Variants in PCDHGA4 observed in about 807,000 individuals in gnomAD.
The protein encoded by PCDHGA4 is protocadherin gamma-A4.
In PCDHGA4, 38 loss-of-function variants were observed where a neutral mutation model predicts 54.6. That is an observed-to-expected ratio of 0.70 (90% CI 0.54 to 0.91). The LOEUF is 0.91. PCDHGA4 is among the 40% of genes least tolerant of loss of function. The pLI is 0.00. For synonymous variants in PCDHGA4, 511 were observed against 512.9 expected (o/e 1.00, Z 0.05); for missense variants, 1,298 against 1,220.9 (o/e 1.06, Z -0.94).
intron 1 of PCDHGA4, chr5:141,441,809 C>A: frequency 2.7e-6 from 1 of 373,176 alleles, no homozygotes; most frequent in East Asian, 9.0e-5. Context: ...GGGTGCTGTA[C>A]CCCAGCTCTG....
At chr5:141,371,130 A>G (rs1055242827) in intron 1 of PCDHGA4, 3 of 1,614,014 alleles carry the variant, frequency 1.9e-6, no homozygotes, top group East Asian at 2.2e-5. Context: ...TACTCAGGAC[A>G]TGTACAGGGT....
At chr5:141,472,980 CAAAAAAA>C (rs60579131) in intron 1 of PCDHGA4, among the ~76,000 whole-genome samples, 1 of 86,108 alleles carries the variant, frequency 1.2e-5, no homozygotes, top group East Asian at 4.1e-4. Context: ...GAGTGAAACT[CAAAAAAA>C]AAAAAAAAAA....
At chr5:141,408,078 C>G in intron 1 of PCDHGA4, 1 of 1,407,992 alleles carries the variant, frequency 7.1e-7, no homozygotes, top group Non-Finnish European at 9.4e-7. Context: ...CCTTTCCCAG[C>G]ACAGCGGATT....
chr5:141,389,430 C>T (rs2091763189), intron 1 of PCDHGA4: 1 of 1,610,546 alleles, frequency 6.2e-7, no homozygotes, highest in Non-Finnish European at 8.5e-7. Context: ...GTTCGCGCAG[C>T]GCGCCTTCGA....
Position 141,370,983 on chromosome 5 carries a change from A to G in PCDHGA4, c.2514+13362A>G, listed in dbSNP as rs200655179. Reference sequence around the variant, plus strand: ...CAGTAGGTACCCAGAGCTAGTACTGAAAGCACCCCTGGACAGGGAAGAGCA... The same window carrying G: ...CAGTAGGTACCCAGAGCTAGTACTGGAAGCACCCCTGGACAGGGAAGAGCA... On this transcript the variant is annotated intron_variant, in intron 1 of 3. Coordinates refer to ENST00000571252, the MANE Select transcript of PCDHGA4 (RefSeq NM_018917.4). 112 of 1,613,998 alleles carry G rather than the reference A, an allele frequency of 6.9e-5. No homozygotes were observed. In the African/African-American group the frequency reaches 1.3e-3, roughly 19 times the overall value.
In PCDHGA4 at chr5:141,355,718, A is replaced by G. The variant is rs1398891270; in HGVS notation, c.611A>G (p.Asn204Ser). 2.5e-6 allele frequency: 4 copies of G among 1,613,872 alleles called. No individual in the cohort carries two copies. The highest frequency in any genetic ancestry group is 3.4e-6 in the Non-Finnish European group (4 of 1,179,882). Residue 204 changes from asparagine (N) to serine (S), a missense_variant, in exon 1 of 4, where the codon AAC becomes AGC. Transcript: ENST00000571252. ...AACTCCCTGCAGGGTTACCAGCTCA[A>G]CTCAAACGGTTACTTTTCCCTGGAC... ...GVNSLQGYQL[N>S]SNGYFSLDVQ...
chr5:141,365,789 G>A (rs200109132), intron 1 of PCDHGA4: 1 of 1,613,778 alleles, frequency 6.2e-7, no homozygotes, highest in African/African-American at 1.3e-5. Flanking sequence ...CAACGCTCGA[G>A]TCACCTACTC....
chr5:141,400,106 T>A (rs771937544), intron 1 of PCDHGA4: 1 of 1,613,950 alleles, frequency 6.2e-7, no homozygotes, highest in African/African-American at 1.3e-5. Context: ...CACTTGGTCT[T>A]TGCTGACAGC....
At chr5:141,390,327 T>G (rs377735930) in intron 1 of PCDHGA4, 172 of 1,603,116 alleles carry the variant, frequency 1.1e-4, no homozygotes, top group Non-Finnish European at 2.0e-5. Flanking sequence ...CCTACCCATT[T>G]CTCCATATTC....
chr5:141,408,202 G>A (rs778320550), intron 1 of PCDHGA4: 6 of 1,549,832 alleles, frequency 3.9e-6, no homozygotes, highest in African/African-American at 1.4e-5. Flanking sequence ...CCGAGCGAAC[G>A]ATGGGAGGGA....
chr5:141,482,622 A>G (rs1197606374), intron 1 of PCDHGA4, among the ~76,000 whole-genome samples: 1 of 151,936 alleles, frequency 6.6e-6, no homozygotes, highest in Non-Finnish European at 1.5e-5. Context: ...AGCCTGGAGA[A>G]AGGAAGAAAT....
chr5:141,383,137 C>A (rs750687055), intron 1 of PCDHGA4: 1 of 1,614,112 alleles, frequency 6.2e-7, no homozygotes, highest in Non-Finnish European at 8.5e-7. Flanking sequence ...CCTGAACCAG[C>A]GCAGCGGCAG....
intron 1 of PCDHGA4, chr5:141,375,626 T>C (rs1370159999): frequency 6.2e-7 from 1 of 1,614,202 alleles, no homozygotes; most frequent in South Asian, 1.1e-5. Context: ...TGGGATTCTG[T>C]ACGCCCTGCG....
In PCDHGA4 at chr5:141,491,803, C is replaced by T. The variant is rs2099730932; in HGVS notation, c.2515-3004C>T. ...CTTGCATCCACTCCTCTCCGGCCGG[C>T]TTGGTCGCTGGCTGCGCTCCACCCG... On this transcript the variant is annotated intron_variant, in intron 1 of 3. Transcript: ENST00000571252. This position sits in a 1 kb window ranked among gnomAD's most constrained non-coding sequence, Gnocchi z 6.9. 1 of 1,497,820 alleles carries T rather than the reference C, an allele frequency of 6.7e-7. No individual in the cohort carries two copies. Among genetic ancestry groups the T allele is most frequent in the Non-Finnish European group, 8.9e-7 (1 of 1,124,124 alleles). 92.8% of individuals were successfully genotyped at this position (1,497,820 alleles called of 1,614,324 possible).
In PCDHGA4 at chr5:141,505,574, CCT is replaced by C. The variant is rs562555098; in HGVS notation, c.2662+94_2662+95del. 5.3e-5 allele frequency: 85 copies of C among 1,593,636 alleles called. No individual in the cohort carries two copies. The African/African-American group carries it at 1.0e-3, about 20-fold the overall frequency. On this transcript the variant is annotated intron_variant, in intron 3 of 3. Coordinates refer to ENST00000571252, the MANE Select transcript of PCDHGA4 (RefSeq NM_018917.4). ...CCATGCCCACGGACTGGATGTCAAACCTGTGTAGTTTCTCCAGATCTTTCGGC... is the reference window on the plus strand; with the variant it reads ...CCATGCCCACGGACTGGATGTCAAACGTGTAGTTTCTCCAGATCTTTCGGC...
intron 1 of PCDHGA4, chr5:141,422,116 T>G (rs753281558): frequency 1.2e-6 from 2 of 1,604,612 alleles, no homozygotes; most frequent in African/African-American, 1.3e-5. Flanking sequence ...CCAATTGGAT[T>G]CACAAACTGG....
chr5:141,476,897 A>G lies in PCDHGA4; in HGVS notation c.2515-17910A>G. ...CGTCCTGGAGGATGCACCCTCCGGC[A>G]CGCGCGTGGTACAAGTCCTTGCAAC... On this transcript the variant is annotated intron_variant, in intron 1 of 3. Coordinates refer to ENST00000571252, the MANE Select transcript of PCDHGA4 (RefSeq NM_018917.4). The surrounding 1 kb of genome is among the most constrained non-coding windows in gnomAD (Gnocchi z 7.6). 1 of 1,613,938 alleles carries G rather than the reference A, an allele frequency of 6.2e-7. No individual in the cohort carries two copies. Among genetic ancestry groups the G allele is most frequent in the Non-Finnish European group, 8.5e-7 (1 of 1,180,012 alleles).
intron 1 of PCDHGA4, among the ~76,000 whole-genome samples, chr5:141,382,132 C>T (rs893026262): frequency 6.6e-6 from 1 of 152,070 alleles, no homozygotes; most frequent in Non-Finnish European, 1.5e-5. Flanking sequence ...CTGGCCCCCC[C>T]TCTCATTTTT....
chr5:141,359,488 T>C (rs1295415918), intron 1 of PCDHGA4, among the ~76,000 whole-genome samples: 2 of 151,294 alleles, frequency 1.3e-5, no homozygotes, highest in Non-Finnish European at 2.9e-5. Context: ...TATATTCATA[T>C]TACGGACTAC....
Sources: gnomAD v4.1 joint callset for allele counts (sites outside exome capture counted in the v4.1 genomes callset) on GRCh38, gnomAD v4.1.1 for gene constraint, Gnocchi (gnomAD v3.1) non-coding constraint, MANE v1.5 for transcripts, NCBI Gene and HGNC (gene_info 2026-07-23, HGNC 2026-07-21) for gene names.